Variants in MGAT4C observed in about 807,000 individuals in gnomAD.
The protein encoded by MGAT4C is MGAT4 family member C, also known as alpha-1,3-mannosyl-glycoprotein 4-beta-N-acetylglucosaminyltransferase C.
MGAT4C carries 19 observed loss-of-function variants against 40.1 expected under a neutral mutation model. The ratio of observed to expected loss-of-function variants is 0.47; its 90% CI spans 0.33 to 0.70. The LOEUF is 0.70. MGAT4C is among the 30% of genes least tolerant of loss of function. The pLI, the probability that MGAT4C is intolerant of heterozygous loss-of-function variation, is 0.02. For missense variants in MGAT4C, 491 were observed against 563.2 expected (o/e 0.87, Z 1.30); for synonymous variants, 181 against 187.1 (o/e 0.97, Z 0.27).
chr12:86,249,970 C>A (rs1220241493), intron 1 of MGAT4C, among the ~76,000 whole-genome samples: 1 of 152,046 alleles, frequency 6.6e-6, no homozygotes, highest in African/African-American at 2.4e-5. Context: ...TTATTTCCAA[C>A]TTTGTGTTGG....
intron 3 of MGAT4C, among the ~76,000 whole-genome samples, chr12:86,398,214 G>C (rs1956294193): frequency 6.6e-6 from 1 of 152,162 alleles, no homozygotes; most frequent in South Asian, 2.1e-4. Context: ...TGTTTTAGCA[G>C]AGGCTGTAGG....
At chr12:86,830,745 A>T (rs939614026) in intron 1 of MGAT4C, among the ~76,000 whole-genome samples, 1 of 131,226 alleles carries the variant, frequency 7.6e-6, no homozygotes, top group Non-Finnish European at 1.7e-5. Context: ...ACAAACAAAC[A>T]AACAAACAAA....
At chr12:86,404,310 A>T (rs1407508924) in intron 3 of MGAT4C, among the ~76,000 whole-genome samples, 1 of 152,214 alleles carries the variant, frequency 6.6e-6, no homozygotes, top group Non-Finnish European at 1.5e-5. Flanking sequence ...CTGAACAGTG[A>T]CTTCCAAGTA....
chr12:86,755,798 C>T (rs896537942), intron 1 of MGAT4C, among the ~76,000 whole-genome samples: 1 of 151,782 alleles, frequency 6.6e-6, no homozygotes, highest in Non-Finnish European at 1.5e-5. Context: ...GTGCATGTGC[C>T]ACCATGCCCT....
At chr12:86,295,545 G>A (rs1003016882) in intron 4 of MGAT4C, among the ~76,000 whole-genome samples, 4 of 152,140 alleles carry the variant, frequency 2.6e-5, no homozygotes, top group South Asian at 4.1e-4. Context: ...TTATTGCAAA[G>A]AGCGAAACAA....
At chr12:86,359,208 A>G (rs773748526) in intron 3 of MGAT4C, among the ~76,000 whole-genome samples, 26 of 152,208 alleles carry the variant, frequency 1.7e-4, no homozygotes, top group Non-Finnish European at 3.2e-4. Flanking sequence ...GAAACTGAAC[A>G]ACCTGCTCCT....
chr12:86,092,450 G>A (rs1592915669), intron 1 of MGAT4C, among the ~76,000 whole-genome samples: 2 of 151,816 alleles, frequency 1.3e-5, no homozygotes, highest in African/African-American at 4.8e-5. Context: ...GAGGGTTTAA[G>A]GCATTTATTT....
chr12:86,794,305 G>T (rs1253718773), intron 1 of MGAT4C, among the ~76,000 whole-genome samples: 1 of 151,518 alleles, frequency 6.6e-6, no homozygotes, highest in Non-Finnish European at 1.5e-5. Flanking sequence ...AAATAAACTA[G>T]AAATTAGTTT....
intron 1 of MGAT4C, among the ~76,000 whole-genome samples, chr12:86,187,416 A>C (rs1888877139): frequency 6.6e-6 from 1 of 152,006 alleles, no homozygotes; most frequent in South Asian, 2.1e-4. Flanking sequence ...CCACCACCAA[A>C]ATAAAAATGA....
Position 86,446,682 on chromosome 12 carries a change from T to TATATATATATAC in MGAT4C, c.-228-11418_-228-11417insGTATATATATAT, listed in dbSNP as rs1168258331. ...TCATATATATATATATATATATATA[T>TATATATATATAC]ATATATATATATATATATATATGGA... On this transcript the variant is annotated intron_variant, in intron 2 of 7. Transcript: ENST00000548651. 5.8e-3 allele frequency among the ~76,000 whole-genome samples: 656 copies of TATATATATATAC among 113,440 alleles called. 16 individuals carry two copies. The highest frequency in any genetic ancestry group is 0.022 in the Middle Eastern group (4 of 182). The allele number at this position is 113,440 out of a possible 152,430, so 74.4% of individuals were successfully genotyped here. A position where few individuals can be genotyped will look rare whatever the true frequency, so the allele number is the denominator to read the frequency against.
At chr12:86,337,859 A>T (rs1226173489) in intron 3 of MGAT4C, among the ~76,000 whole-genome samples, 1 of 152,174 alleles carries the variant, frequency 6.6e-6, no homozygotes, top group Non-Finnish European at 1.5e-5. Context: ...TGGATGATGA[A>T]CTATGTTGTA....
At chr12:86,295,002 C>T (rs1199212050) in intron 4 of MGAT4C, among the ~76,000 whole-genome samples, 1 of 152,124 alleles carries the variant, frequency 6.6e-6, no homozygotes, top group Non-Finnish European at 1.5e-5. Context: ...TTTCTCAGTT[C>T]ATCTTTCTGA....
intron 1 of MGAT4C, among the ~76,000 whole-genome samples, chr12:86,232,560 G>C (rs1951366848): frequency 1.3e-5 from 2 of 152,232 alleles, no homozygotes; most frequent in South Asian, 4.1e-4. Context: ...GATAAATATG[G>C]GGAAAATGAA....
rs78161895 is a variant in MGAT4C at position 86,723,145 on chromosome 12, A to C, written c.-229+4064T>G. ...ACAACATTGTCTCTTACTACTCTGA[A>C]TTTTAAGAATATCAAACAACTAATG... On this transcript the variant is annotated intron_variant, in intron 2 of 7. Transcript: ENST00000548651. 7.8e-3 allele frequency among the ~76,000 whole-genome samples: 1,186 copies of C among 152,308 alleles called. 12 individuals are homozygous for C. Among genetic ancestry groups the C allele is most frequent in the African/African-American group, 0.027 (1,120 of 41,552 alleles).
At chr12:86,224,532 G>GC (rs1951004774) in intron 1 of MGAT4C, among the ~76,000 whole-genome samples, 1 of 152,118 alleles carries the variant, frequency 6.6e-6, no homozygotes, top group Non-Finnish European at 1.5e-5. Flanking sequence ...GCATTATTCA[G>GC]AGTAAACCAT....
intron 2 of MGAT4C, among the ~76,000 whole-genome samples, chr12:86,505,033 A>T (rs1303286823): frequency 6.6e-6 from 1 of 152,086 alleles, no homozygotes; most frequent in Non-Finnish European, 1.5e-5. Context: ...AGTGTCACAC[A>T]CTCATTTCAA....
chr12:86,404,561 T>A (rs999539090), intron 3 of MGAT4C, among the ~76,000 whole-genome samples: 9 of 152,082 alleles, frequency 5.9e-5, no homozygotes, highest in Admixed American at 1.3e-4. Context: ...AATTAGAATT[T>A]CAAAGGCATA....
At chr12:86,823,458 A>G (rs1028810036) in intron 1 of MGAT4C, among the ~76,000 whole-genome samples, 1 of 142,446 alleles carries the variant, frequency 7.0e-6, no homozygotes, top group African/African-American at 2.9e-5. Flanking sequence ...AAATTTACGG[A>G]AAAAAAATTA....
At chr12:86,052,655 C>G (rs1343879176) in intron 1 of MGAT4C, among the ~76,000 whole-genome samples, 2 of 151,800 alleles carry the variant, frequency 1.3e-5, no homozygotes, top group Non-Finnish European at 2.9e-5. Flanking sequence ...AAATGAAAGA[C>G]AGAAAGATAA....
Sources: gnomAD v4.1 joint callset for allele counts (sites outside exome capture counted in the v4.1 genomes callset) on GRCh38, gnomAD v4.1.1 for gene constraint, MANE v1.5 for transcripts, NCBI Gene and HGNC (gene_info 2026-07-23, HGNC 2026-07-21) for gene names.